Variants in AGPS observed in about 807,000 individuals in gnomAD.
AGPS encodes alkylglycerone phosphate synthase.
Under a neutral mutation model 90.7 loss-of-function variants are expected in AGPS, and 26 were observed. The observed-to-expected ratio is 0.29, with a 90% confidence interval of 0.21 to 0.40. The LOEUF is 0.40. Ranked by LOEUF, AGPS falls within the 10% of genes least tolerant of loss-of-function variation. The pLI, the probability that AGPS is intolerant of heterozygous loss-of-function variation, is 1.00. For synonymous variants in AGPS, 294 were observed against 285.3 expected, an observed-to-expected ratio of 1.03 and a Z score of -0.31; for missense variants, 540 against 816.1, an observed-to-expected ratio of 0.66 and a Z score of 4.12.
At chr2:177,495,362 C>T (rs1295464916) in intron 12 of AGPS, among the ~76,000 whole-genome samples, 1 of 152,044 alleles carries the variant, frequency 6.6e-6, no homozygotes, top group Non-Finnish European at 1.5e-5. Flanking sequence ...AGTGGTATCC[C>T]CACTTTACAA....
chr2:177,445,184 T>A (rs1412492952), intron 7 of AGPS, among the ~76,000 whole-genome samples: 1 of 152,238 alleles, frequency 6.6e-6, no homozygotes, highest in Admixed American at 6.5e-5. Context: ...AGTACCTCAT[T>A]TAATTATTGT....
chr2:177,452,453 T>C (rs556063773), intron 8 of AGPS, among the ~76,000 whole-genome samples: 2 of 152,336 alleles, frequency 1.3e-5, no homozygotes, highest in African/African-American at 4.8e-5. Context: ...GATAACATGC[T>C]TTGCTCTGAA....
chr2:177,518,053 G>A (rs2105730260), intron 17 of AGPS, among the ~76,000 whole-genome samples: 1 of 152,254 alleles, frequency 6.6e-6, no homozygotes, highest in Non-Finnish European at 1.5e-5. Context: ...CTCATTATTG[G>A]TGACATTAAC....
rs537655173 is a variant in AGPS at position 177,540,682 on chromosome 2, C to T, written c.*2487C>T. 22 of 152,110 alleles carry T rather than the reference C, an allele frequency of 1.4e-4. No homozygotes were observed. In the South Asian group the frequency reaches 4.4e-3, roughly 30 times the overall value. 9.4% of individuals were successfully genotyped at this position (152,110 alleles called of 1,614,324 possible). ...CATTTTTAATGTTTATTTTTAATTT[C>T]AAAAACTTGTTGCCTATTTGGTTTT... On this transcript the variant is annotated 3_prime_UTR_variant, in exon 20 of 20. Transcript: ENST00000264167.
intron 9 of AGPS, among the ~76,000 whole-genome samples, chr2:177,466,777 G>A (rs1687463248): frequency 6.6e-6 from 1 of 152,224 alleles, no homozygotes; most frequent in Admixed American, 6.5e-5. Flanking sequence ...AAGCCAGGCG[G>A]TGGAAGCAGA....
intron 1 of AGPS, among the ~76,000 whole-genome samples, chr2:177,417,239 G>C (rs1392391774): frequency 1.3e-5 from 2 of 152,134 alleles, no homozygotes; most frequent in African/African-American, 4.8e-5. Context: ...CTTCCTGATA[G>C]TTCAGTGTAT....
intron 3 of AGPS, among the ~76,000 whole-genome samples, chr2:177,434,995 A>AGG (rs1553509325): frequency 0.035 from 1,415 of 40,064 alleles, 39 homozygotes; most frequent in African/African-American, 0.075. Context: ...TTTAAACTGT[A>AGG]GGTATATATA....
chr2:177,455,108 C>T (rs1326995927), intron 8 of AGPS, among the ~76,000 whole-genome samples: 1 of 152,234 alleles, frequency 6.6e-6, no homozygotes, highest in South Asian at 2.1e-4. Context: ...GCTGGACACC[C>T]GTGCTGTAAT....
At chr2:177,516,092 G>A (rs1210931030) in intron 17 of AGPS, among the ~76,000 whole-genome samples, 1 of 152,208 alleles carries the variant, frequency 6.6e-6, no homozygotes, top group African/African-American at 2.4e-5. Context: ...TAACAAACGT[G>A]TGCATAGACC....
chr2:177,444,622 GTATTGTATTT>G, intron 7 of AGPS, among the ~76,000 whole-genome samples: 1 of 3,442 alleles, frequency 2.9e-4, no homozygotes, highest in Non-Finnish European at 8.1e-4. Context: ...TGCTATTTTT[GTATTGTATTT>G]TGTATTGTCT....
At chr2:177,420,384 G>C in intron 2 of AGPS, 26 bp downstream of exon 2, 6 of 1,499,180 alleles carry the variant, frequency 4.0e-6, no homozygotes, top group Non-Finnish European at 5.6e-6. Flanking sequence ...TTCTTCTTTT[G>C]TTCCTCCTTT....
At chr2:177,479,284 G>A (rs535178072) in intron 10 of AGPS, among the ~76,000 whole-genome samples, 3 of 152,172 alleles carry the variant, frequency 2.0e-5, no homozygotes, top group Non-Finnish European at 2.9e-5. Flanking sequence ...TTGTCCCACA[G>A]TTGGGGCCCG....
chr2:177,474,773 C>T (rs1687734307), intron 10 of AGPS, among the ~76,000 whole-genome samples: 1 of 152,180 alleles, frequency 6.6e-6, no homozygotes, highest in Admixed American at 6.5e-5. Flanking sequence ...ATATTCCATT[C>T]ATTGAATATA....
At chr2:177,496,561 T>G (rs1688419211) in intron 12 of AGPS, among the ~76,000 whole-genome samples, 1 of 152,172 alleles carries the variant, frequency 6.6e-6, no homozygotes, top group Non-Finnish European at 1.5e-5. Flanking sequence ...TTGATCTCTA[T>G]CTAACCTGCA....
At chr2:177,443,257 T>C (rs1389175511) in intron 7 of AGPS, among the ~76,000 whole-genome samples, 1 of 152,200 alleles carries the variant, frequency 6.6e-6, no homozygotes, top group African/African-American at 2.4e-5. Context: ...AAAAAGTGTC[T>C]GTTTTATAGT....
intron 9 of AGPS, among the ~76,000 whole-genome samples, chr2:177,466,280 G>GC (rs902260939): frequency 1.3e-5 from 2 of 152,218 alleles, no homozygotes; most frequent in African/African-American, 4.8e-5. Context: ...GGTAATCCTG[G>GC]CATCTGCCTA....
At chr2:177,440,424 A>T (rs1686566358) in intron 5 of AGPS, among the ~76,000 whole-genome samples, 1 of 152,118 alleles carries the variant, frequency 6.6e-6, no homozygotes, top group Non-Finnish European at 1.5e-5. Context: ...GAACTTAATC[A>T]TGAGGAAACA....
intron 15 of AGPS, 76 bp downstream of exon 15, chr2:177,505,651 A>G (rs1048257918): frequency 6.1e-6 from 8 of 1,305,508 alleles, no homozygotes; most frequent in Non-Finnish European, 8.8e-6. Flanking sequence ...AGTGAATGCA[A>G]TTGTCTTCCC....
At chr2:177,472,123 T>A (rs1036856713) in intron 10 of AGPS, among the ~76,000 whole-genome samples, 5 of 151,878 alleles carry the variant, frequency 3.3e-5, no homozygotes, top group African/African-American at 1.2e-4. Context: ...TAGGGTTTTT[T>A]TTTTCATTGT....
Sources: allele counts gnomAD v4.1 joint callset (sites outside exome capture counted in the v4.1 genomes callset), GRCh38; gene constraint gnomAD v4.1.1; transcripts MANE v1.5; gene names NCBI Gene and HGNC (gene_info 2026-07-23, HGNC 2026-07-21).